Variants in USP25 observed in about 807,000 individuals in gnomAD.
USP25 encodes ubiquitin carboxyl-terminal hydrolase 25.
In USP25, 85 loss-of-function variants were observed where a neutral mutation model predicts 158.5. The ratio of observed to expected loss-of-function variants is 0.54; its 90% confidence interval spans 0.45 to 0.64. The LOEUF is 0.64. Among genes scored for constraint, USP25 ranks in the 30% least tolerant of loss-of-function variants. USP25 has a pLI of 0.00. For synonymous variants in USP25, 464 were observed against 460.4 expected (o/e 1.01, Z -0.10); for missense variants, 1,242 against 1,327.3 (o/e 0.94, Z 1.00).
intron 2 of USP25, among the ~76,000 whole-genome samples, chr21:15,763,225 G>A (rs2033841287): frequency 6.6e-6 from 1 of 152,162 alleles, no homozygotes; most frequent in Non-Finnish European, 1.5e-5. Context: ...GTGCAAGATA[G>A]TGGGATGTGA....
At chr21:15,838,391 G>A (rs1251807431) in intron 17 of USP25, among the ~76,000 whole-genome samples, 1 of 152,050 alleles carries the variant, frequency 6.6e-6, no homozygotes, top group Non-Finnish European at 1.5e-5. Flanking sequence ...AAATTTTAAA[G>A]TAGAAACAAA....
intron 23 of USP25, among the ~76,000 whole-genome samples, chr21:15,871,049 C>T (rs1275593885): frequency 6.6e-6 from 1 of 152,192 alleles, no homozygotes; most frequent in Non-Finnish European, 1.5e-5. Context: ...CAGCACAGAA[C>T]ATTTCCATAA....
Position 15,766,146 on chromosome 21 carries a change from GTTTT to G in USP25, c.268+6_268+9del. 6.3e-7 allele frequency: 1 copy of G among 1,580,640 alleles called. No individual in the cohort carries two copies. The highest frequency in any genetic ancestry group is 8.5e-7 in the Non-Finnish European group (1 of 1,170,046). On this transcript the variant is annotated splice_donor_region_variant and intron_variant, in intron 3 of 25. Coordinates refer to ENST00000400183, the MANE Select transcript of USP25 (RefSeq NM_001283041.3). This position sits in a 1 kb window ranked among gnomAD's most constrained non-coding sequence, Gnocchi z 4.0. The stretch of plus-strand genomic sequence containing the variant: ...TGGGAAGCCAAGCAGATACAAGTAA[GTTTT>G]CTTTCTTTTCTTATTATTTTAATAG...
chr21:15,838,211 G>T (rs1377291973), intron 17 of USP25, among the ~76,000 whole-genome samples: 3 of 151,426 alleles, frequency 2.0e-5, no homozygotes, highest in Non-Finnish European at 2.9e-5. Context: ...TTACAGGCAT[G>T]AAGCCACCAT....
intron 5 of USP25, 121 bp from the exon 6 acceptor site, chr21:15,799,636 G>A (rs1165194899): frequency 3.8e-6 from 2 of 528,480 alleles, no homozygotes; most frequent in Non-Finnish European, 6.5e-6. Flanking sequence ...TGTGCCAGTT[G>A]CAATGATTCT....
rs949923192 is a variant in USP25, at chr21:15,874,108, A to C, written c.2886-295A>C. ...AGTTTAAATGGAAGACATCAGGAAA[A>C]TAAATACCAAGGAAAACAGAACTAT... On this transcript the variant is annotated intron_variant, in intron 23 of 25. Transcript: ENST00000400183. 2.0e-5 allele frequency among the ~76,000 whole-genome samples: 3 copies of C among 152,332 alleles called. No homozygotes were observed. In the South Asian group the frequency reaches 6.2e-4, roughly 32 times the overall value.
chr21:15,786,023 A>T (rs1433665952), intron 4 of USP25, among the ~76,000 whole-genome samples: 1 of 152,140 alleles, frequency 6.6e-6, no homozygotes, highest in Non-Finnish European at 1.5e-5. Context: ...GAACAACTGT[A>T]TACCAACAAA....
At chr21:15,872,936 A>C (rs1362883030) in intron 23 of USP25, among the ~76,000 whole-genome samples, 1 of 152,112 alleles carries the variant, frequency 6.6e-6, no homozygotes, top group Non-Finnish European at 1.5e-5. Context: ...TTCCATATTA[A>C]TCTGTGAAAA....
Position 15,879,579 on chromosome 21 carries a change from G to A in USP25, c.*1104G>A, listed in dbSNP as rs2040217410. 1 of 152,454 alleles carries A rather than the reference G, an allele frequency of 6.6e-6. No homozygotes were observed. The highest frequency in any genetic ancestry group is 6.5e-5 in the Admixed American group (1 of 15,272). The allele number at this position is 152,454 out of a possible 1,614,324, so 9.4% of individuals were successfully genotyped here. On this transcript the variant is annotated 3_prime_UTR_variant, in exon 26 of 26. Transcript: ENST00000400183. ...GATGAAACTACTGTTTAAGATTAAT[G>A]AATTAATATTGTGAATGAAAATCAA...
intron 23 of USP25, among the ~76,000 whole-genome samples, chr21:15,871,257 T>C (rs2039873158): frequency 1.3e-5 from 2 of 152,352 alleles, no homozygotes; most frequent in South Asian, 4.1e-4. Flanking sequence ...ACTTTAGTCA[T>C]TGATGTAGAA....
intron 21 of USP25, 44 bp from the exon 22 acceptor site, chr21:15,866,216 TATATAC>T: frequency 2.6e-6 from 3 of 1,151,430 alleles, no homozygotes; most frequent in East Asian, 2.8e-5. Flanking sequence ...TATATATATA[TATATAC>T]ACACACATAC....
At chr21:15,757,247 C>T (rs972717157) in intron 1 of USP25, among the ~76,000 whole-genome samples, 1 of 152,166 alleles carries the variant, frequency 6.6e-6, no homozygotes, top group Non-Finnish European at 1.5e-5. Context: ...GGATTTTTCT[C>T]ATTGCTCACC....
chr21:15,777,393 A>T (rs2034717864), intron 3 of USP25, among the ~76,000 whole-genome samples: 1 of 151,188 alleles, frequency 6.6e-6, no homozygotes, highest in Admixed American at 6.5e-5. Context: ...ATTCTTTCAG[A>T]ATTTAAAAAA....
intron 24 of USP25, 94 bp from the exon 25 acceptor site, chr21:15,877,702 A>G (rs2040151906): frequency 2.3e-6 from 2 of 874,790 alleles, no homozygotes; most frequent in Non-Finnish European, 3.5e-6. Context: ...GTTTGTGAAC[A>G]TATTTATGTT....
chr21:15,865,430 G>A (rs940468174), intron 21 of USP25, among the ~76,000 whole-genome samples: 1 of 152,144 alleles, frequency 6.6e-6, no homozygotes, highest in African/African-American at 2.4e-5. Context: ...GATATGTGCC[G>A]TGAAATGTAG....
At chr21:15,849,698 A>G in intron 19 of USP25, 79 bp from the exon 20 acceptor site, 1 of 1,119,230 alleles carries the variant, frequency 8.9e-7, no homozygotes. Flanking sequence ...TATGGAAAAC[A>G]AAAGAGTTTC....
At chr21:15,763,700 A>G (rs973184140) in intron 2 of USP25, among the ~76,000 whole-genome samples, 1 of 152,200 alleles carries the variant, frequency 6.6e-6, no homozygotes, top group Non-Finnish European at 1.5e-5. Flanking sequence ...ATCCTTTGGA[A>G]CTTGATTTCA....
chr21:15,839,972 A>T (rs367869700), intron 17 of USP25, among the ~76,000 whole-genome samples: 10 of 152,080 alleles, frequency 6.6e-5, no homozygotes, highest in East Asian at 5.8e-4. Flanking sequence ...GCACTTCTCT[A>T]GTAGCTATTG....
intron 9 of USP25, among the ~76,000 whole-genome samples, chr21:15,814,628 G>A (rs1229619098): frequency 6.6e-6 from 1 of 152,236 alleles, no homozygotes; most frequent in African/African-American, 2.4e-5. Context: ...CAAAGAGACT[G>A]GTGGCATTTT....
Sources: allele counts gnomAD v4.1 joint callset (sites outside exome capture counted in the v4.1 genomes callset), GRCh38; gene constraint gnomAD v4.1.1; non-coding constraint Gnocchi (gnomAD v3.1); transcripts MANE v1.5; gene names NCBI Gene and HGNC (gene_info 2026-07-23, HGNC 2026-07-21).